The following DMD variants were observed in gnomAD, a reference collection of about 807,000 sequenced individuals.
The protein encoded by DMD is mutant dystrophin.
DMD carries 63 observed loss-of-function variants against 330.1 expected under a neutral mutation model. The ratio of observed to expected loss-of-function variants is 0.19; its 90% CI spans 0.16 to 0.24. The LOEUF (loss-of-function observed/expected upper bound fraction) is 0.24. Ranked by LOEUF, DMD falls within the 10% of genes least tolerant of loss-of-function variation. DMD has a pLI of 1.00. For missense variants in DMD, 3,344 were observed against 2,684.1 expected (o/e 1.25, Z -5.43); for synonymous variants, 1,223 against 959.8 (o/e 1.27, Z -5.07).
intron 60 of DMD, among the ~76,000 whole-genome samples, chrX:31,434,180 T>A (rs768871615): frequency 6.3e-5 from 7 of 111,597 alleles, no homozygotes; most frequent in Non-Finnish European, 9.4e-5. Context: ...GACTTAATTA[T>A]ACATTAACTC....
intron 4 of DMD, among the ~76,000 whole-genome samples, chrX:32,832,689 G>C (rs1039314723): frequency 9.0e-6 from 1 of 111,716 alleles, no homozygotes; most frequent in African/African-American, 3.2e-5. Context: ...TGCAGCATGT[G>C]CTTTTACACC....
chrX:32,517,832 T>G, intron 18 of DMD, 176 bp downstream of exon 18: 2 of 531,511 alleles, frequency 3.8e-6, no homozygotes, highest in Non-Finnish European at 6.2e-6. Flanking sequence ...CCAGAAAGAT[T>G]TCTCTAGGCT....
intron 63 of DMD, among the ~76,000 whole-genome samples, chrX:31,254,427 G>A (rs1325281854): frequency 3.6e-5 from 4 of 111,275 alleles, no homozygotes; most frequent in African/African-American, 1.3e-4. Flanking sequence ...TGTAACCTCG[G>A]CTCACTGCAG....
At chrX:31,828,136 A>C (rs2149454768) in intron 49 of DMD, among the ~76,000 whole-genome samples, 1 of 112,343 alleles carries the variant, frequency 8.9e-6, no homozygotes, top group Non-Finnish European at 1.9e-5. Context: ...CTTTGAAAAG[A>C]TAAACAAAAT....
intron 52 of DMD, among the ~76,000 whole-genome samples, chrX:31,714,878 C>T (rs892614569): frequency 3.6e-5 from 4 of 111,401 alleles, no homozygotes; most frequent in Non-Finnish European, 7.5e-5. Context: ...TGGTTAAGTC[C>T]TAAAATTTGT....
intron 2 of DMD, among the ~76,000 whole-genome samples, chrX:32,864,487 T>G (rs1250041964): frequency 8.9e-6 from 1 of 112,414 alleles, no homozygotes; most frequent in African/African-American, 3.2e-5. Flanking sequence ...TATCTTTTCT[T>G]TCTTCTATCA....
At chrX:32,788,131 C>T (rs758844185) in intron 7 of DMD, among the ~76,000 whole-genome samples, 7 of 111,413 alleles carry the variant, frequency 6.3e-5, no homozygotes, top group Non-Finnish European at 1.3e-4. Context: ...GTTAAATCAA[C>T]CCTAGGTTAA....
intron 40 of DMD, chrX:32,342,727 A>G (rs908028660): frequency 3.7e-6 from 1 of 273,371 alleles, no homozygotes; most frequent in African/African-American, 2.8e-5. Flanking sequence ...AGAAAAAAAC[A>G]TATTTAGACA....
At chrX:32,276,748 C>A (rs192779968) in intron 43 of DMD, among the ~76,000 whole-genome samples, 24 of 110,160 alleles carry the variant, frequency 2.2e-4, no homozygotes, top group Admixed American at 3.9e-4. Context: ...CATGAAACCC[C>A]AACTCTACTA....
At chrX:31,978,740 T>C (rs2095455464) in intron 44 of DMD, among the ~76,000 whole-genome samples, 1 of 111,692 alleles carries the variant, frequency 9.0e-6, no homozygotes, top group Admixed American at 9.5e-5. Flanking sequence ...TCCTCCATCA[T>C]GTGTGTCTTT....
intron 55 of DMD, among the ~76,000 whole-genome samples, chrX:31,601,775 G>A (rs758417811): frequency 4.6e-5 from 5 of 109,386 alleles, no homozygotes; most frequent in Non-Finnish European, 7.6e-5. Context: ...TATATATTTC[G>A]TTAGTGACAT....
At chrX:32,310,299 C>G (rs1306147527) in intron 41 of DMD, 23 bp from the exon 42 acceptor site, 1 of 1,178,543 alleles carries the variant, frequency 8.5e-7, no homozygotes, top group East Asian at 3.0e-5. Flanking sequence ...TACAAAAGAA[C>G]AATTTTTTTT....
chrX:31,165,215 A>T lies in DMD; in HGVS notation c.10553+4228T>A, dbSNP rs761525688. ...CAGTAACTGATCTAGAACTTCTTTG[A>T]CTGTAACAATAATAATCTTGCACAA... On this transcript the variant is annotated intron_variant, in intron 74 of 78. Coordinates refer to ENST00000357033, the MANE Select transcript of DMD (RefSeq NM_004006.3). Among the ~76,000 whole-genome samples the T allele has an allele frequency of 2.1e-4, 24 of 112,160 alleles. No individual in the cohort carries two copies. The South Asian group carries it at 4.5e-3, about 21-fold the overall frequency.
rs16990320 is a variant in DMD, at chrX:32,412,309, A to T, written c.4072-396T>A. 3.6e-3 allele frequency: 2,736 copies of T among 767,115 alleles called. 46 individuals carry two copies. The African/African-American group carries it at 0.049, about 14-fold the overall frequency. The allele number at this position is 767,115 out of a possible 1,213,427, so 63.2% of individuals were successfully genotyped here. A position where few individuals can be genotyped will look rare whatever the true frequency, so the allele number is the denominator to read the frequency against. On this transcript the variant is annotated intron_variant, in intron 29 of 78. Coordinates refer to ENST00000357033, the MANE Select transcript of DMD (RefSeq NM_004006.3). ...ATAGGGTCATCGTCATCACAATCCA[A>T]TTCAAGACAGATAATCTGCTTCCAC...
intron 11 of DMD, among the ~76,000 whole-genome samples, chrX:32,621,988 C>G (rs183758423): frequency 9.0e-6 from 1 of 111,694 alleles, no homozygotes; most frequent in East Asian, 2.8e-4. Context: ...TGCATACTCA[C>G]ACTTGAAAAT....
At chrX:32,400,959 T>A (rs1603632581) in intron 30 of DMD, among the ~76,000 whole-genome samples, 1 of 110,740 alleles carries the variant, frequency 9.0e-6, no homozygotes, top group African/African-American at 3.3e-5. Context: ...ACAATGGATT[T>A]AGAAAATGTG....
In DMD at chrX:33,177,428, A is replaced by G. The variant is rs762851300; in HGVS notation, c.31+33854T>C. Among the ~76,000 whole-genome samples, 4 of 112,088 alleles carry G rather than the reference A, an allele frequency of 3.6e-5. No homozygotes were observed. The South Asian group carries it at 1.5e-3, about 42-fold the overall frequency. On this transcript the variant is annotated intron_variant, in intron 1 of 78. Transcript: ENST00000357033. Reference sequence around the variant, plus strand: ...GAGACAGGGTCTCACTCTGTCACTCAGGCTGGAGTGCAGTGGTGCAATCTC... The same window carrying G: ...GAGACAGGGTCTCACTCTGTCACTCGGGCTGGAGTGCAGTGGTGCAATCTC...
At chrX:32,622,850 G>T (rs2058089248) in intron 11 of DMD, among the ~76,000 whole-genome samples, 2 of 111,805 alleles carry the variant, frequency 1.8e-5, no homozygotes, top group African/African-American at 6.5e-5. Context: ...ACGGGGTTGG[G>T]TCGAAGAATT....
At chrX:31,184,787 A>G (rs1197100894) in intron 67 of DMD, among the ~76,000 whole-genome samples, 1 of 93,376 alleles carries the variant, frequency 1.1e-5, no homozygotes. Context: ...TGCAGCCATA[A>G]AAAAGGATGA....
Sources: gnomAD v4.1 joint callset for allele counts (sites outside exome capture counted in the v4.1 genomes callset) on GRCh38, gnomAD v4.1.1 for gene constraint, MANE v1.5 for transcripts, NCBI Gene and HGNC (gene_info 2026-07-23, HGNC 2026-07-21) for gene names.